Variants in MMP26 observed in about 807,000 individuals in gnomAD.
MMP26 encodes matrix metalloproteinase-26.
A neutral mutation model predicts 31.0 loss-of-function variants in MMP26; 33 were observed. The ratio of observed to expected loss-of-function variants is 1.06; its 90% confidence interval spans 0.81 to 1.42. The LOEUF (loss-of-function observed/expected upper bound fraction) is 1.42, where lower values mean the gene tolerates loss of function less well. MMP26 is among the 40% of genes most tolerant of loss of function. MMP26 has a pLI of 0.00. For missense variants in MMP26, 347 were observed against 316.1 expected (o/e 1.10, Z -0.74); for synonymous variants, 122 against 114.9 (o/e 1.06, Z -0.40).
intron 2 of MMP26, among the ~76,000 whole-genome samples, chr11:4,924,670 A>G (rs1156505404): frequency 6.6e-6 from 1 of 152,214 alleles, no homozygotes; most frequent in Non-Finnish European, 1.5e-5. Context: ...TACGAGATGT[A>G]TGTCTTTAAT....
At chr11:4,991,689 A>C (rs1412610430) in intron 6 of MMP26, among the ~76,000 whole-genome samples, 193 bp downstream of exon 6, 1 of 152,136 alleles carries the variant, frequency 6.6e-6, no homozygotes, top group Admixed American at 6.5e-5. Context: ...ACACATTGTC[A>C]GATTGTGTTT....
intron 2 of MMP26, among the ~76,000 whole-genome samples, chr11:4,846,728 GTCAA>G (rs1289446564): frequency 1.3e-5 from 2 of 152,112 alleles, no homozygotes; most frequent in Non-Finnish European, 2.9e-5. Flanking sequence ...ATTAAAGTTA[GTCAA>G]TTATTGTGCT....
chr11:4,971,460 A>G (rs1846665329), intron 2 of MMP26, among the ~76,000 whole-genome samples: 1 of 152,222 alleles, frequency 6.6e-6, no homozygotes, highest in Admixed American at 6.5e-5. Flanking sequence ...AAGAACAGTA[A>G]GAAAAACTTT....
intron 1 of MMP26, among the ~76,000 whole-genome samples, chr11:4,739,967 TA>T (rs1848290710): frequency 6.6e-6 from 1 of 152,204 alleles, no homozygotes; most frequent in African/African-American, 2.4e-5. Flanking sequence ...TTTAATATCC[TA>T]AATATATGAA....
At chr11:4,962,408 T>G (rs959905543) in intron 2 of MMP26, among the ~76,000 whole-genome samples, 5 of 152,292 alleles carry the variant, frequency 3.3e-5, no homozygotes, top group African/African-American at 1.2e-4. Context: ...TTCTTATTTA[T>G]CAATAGAAAA....
At chr11:4,876,763 C>T (rs972938116) in intron 2 of MMP26, 2 of 152,482 alleles carry the variant, frequency 1.3e-5, no homozygotes, top group Non-Finnish European at 2.9e-5. Flanking sequence ...GCCATGTTAG[C>T]TGCCACTGAC....
intron 2 of MMP26, among the ~76,000 whole-genome samples, chr11:4,796,889 G>A (rs984528677): frequency 3.9e-5 from 6 of 151,922 alleles, no homozygotes; most frequent in Admixed American, 1.3e-4. Context: ...AATTGCTCCT[G>A]GAAGCATTGC....
rs951107335 is a variant in MMP26, at chr11:4,750,866, A to C, written c.-216-16404A>C. 2.6e-5 allele frequency among the ~76,000 whole-genome samples: 4 copies of C among 152,150 alleles called. No individual in the cohort carries two copies. In the East Asian group the frequency reaches 7.7e-4, roughly 29 times the overall value. On this transcript the variant is annotated intron_variant, in intron 1 of 7. Transcript: ENST00000380390. Reference sequence around the variant, plus strand: ...CGCCTATACTAAAAGCCCAGACTTCAGCACTATGCAATATATCCATGTAAC... The same window carrying C: ...CGCCTATACTAAAAGCCCAGACTTCCGCACTATGCAATATATCCATGTAAC...
At chr11:4,824,531 C>T (rs1849555863) in intron 2 of MMP26, among the ~76,000 whole-genome samples, 1 of 152,112 alleles carries the variant, frequency 6.6e-6, no homozygotes, top group Admixed American at 6.6e-5. Flanking sequence ...AACTGCTGAC[C>T]TTTGAAATGA....
chr11:4,714,392 C>T (rs374530830), intron 1 of MMP26, among the ~76,000 whole-genome samples: 4 of 152,248 alleles, frequency 2.6e-5, no homozygotes, highest in African/African-American at 7.2e-5. Context: ...TTAGTTGTGT[C>T]ACATTTTATA....
chr11:4,822,405 T>A (rs1388190265), intron 2 of MMP26: 2 of 1,434,958 alleles, frequency 1.4e-6, no homozygotes, highest in East Asian at 2.5e-5. Context: ...ATAAAGCCAT[T>A]TATGAATAAG....
In MMP26 at chr11:4,839,632, C is replaced by G. The variant is rs899003499; in HGVS notation, c.-145+72291C>G. Among the ~76,000 whole-genome samples, 31 of 151,720 alleles carry G rather than the reference C, an allele frequency of 2.0e-4. 2 individuals carry two copies. Among genetic ancestry groups the G allele is most frequent in the Non-Finnish European group, 5.9e-5 (4 of 67,984 alleles). ...CTTGAAGGGAAGGACCTAGTCCTGG[C>G]AGCATTTATCACCTGCTAACTGAAG... On this transcript the variant is annotated intron_variant, in intron 2 of 7. Coordinates refer to ENST00000380390, the MANE Select transcript of MMP26 (RefSeq NM_021801.5).
chr11:4,763,495 T>C (rs1322478257), intron 1 of MMP26, among the ~76,000 whole-genome samples: 2 of 152,224 alleles, frequency 1.3e-5, no homozygotes, highest in Non-Finnish European at 2.9e-5. Flanking sequence ...AGATTACTAA[T>C]AAAAGAAACT....
intron 1 of MMP26, among the ~76,000 whole-genome samples, chr11:4,764,026 C>T (rs1246537448): frequency 6.6e-6 from 1 of 152,142 alleles, no homozygotes. Context: ...TATTGTGCCT[C>T]TGCCTAATAA....
chr11:4,907,137 A>G (rs919478996), intron 2 of MMP26, among the ~76,000 whole-genome samples: 16 of 148,200 alleles, frequency 1.1e-4, no homozygotes, highest in Admixed American at 1.1e-3. Context: ...CTAAAAAGTC[A>G]CCAACTTAGG....
At chr11:4,879,449 GT>G (rs1564799021) in intron 2 of MMP26, among the ~76,000 whole-genome samples, 1 of 152,190 alleles carries the variant, frequency 6.6e-6, no homozygotes, top group East Asian at 1.9e-4. Flanking sequence ...ACATTAGAAG[GT>G]AGTATAGCAT....
chr11:4,769,076 A>G (rs1181816742), intron 2 of MMP26: 2 of 1,575,076 alleles, frequency 1.3e-6, no homozygotes, highest in Non-Finnish European at 1.7e-6. Context: ...AAGCAGGTAT[A>G]CATTAGCCAT....
At chr11:4,806,093 T>G (rs1849265639) in intron 2 of MMP26, among the ~76,000 whole-genome samples, 1 of 152,160 alleles carries the variant, frequency 6.6e-6, no homozygotes, top group Admixed American at 6.5e-5. Context: ...AAAGGCCTTA[T>G]CTTTTCCTAA....
intron 1 of MMP26, among the ~76,000 whole-genome samples, chr11:4,754,695 C>T (rs944643086): frequency 2.6e-5 from 4 of 152,078 alleles, no homozygotes; most frequent in South Asian, 4.1e-4. Flanking sequence ...ATTAGTTTGG[C>T]TATTTCTCCA....
Sources: allele counts gnomAD v4.1 joint callset (sites outside exome capture counted in the v4.1 genomes callset), GRCh38; gene constraint gnomAD v4.1.1; transcripts MANE v1.5; gene names NCBI Gene and HGNC (gene_info 2026-07-23, HGNC 2026-07-21).